The following ATP6AP1 variants were observed in gnomAD, a reference collection of about 807,000 sequenced individuals.
The protein encoded by ATP6AP1 is V-type proton ATPase subunit S1.
ATP6AP1 carries 1 observed loss-of-function variant against 32.0 expected under a neutral mutation model. The observed-to-expected ratio is 0.03, with a 90% CI of 0.01 to 0.15. ATP6AP1 has a LOEUF of 0.15. Ranked by LOEUF, ATP6AP1 falls within the 10% of genes least tolerant of loss-of-function variation. The pLI is 1.00. For missense variants in ATP6AP1, 297 were observed against 398.8 expected, an observed-to-expected ratio of 0.74 and a Z score of 2.17; for synonymous variants, 187 against 174.9, an observed-to-expected ratio of 1.07 and a Z score of -0.55.
rs2068716322 is a variant in ATP6AP1, at chrX:154,435,786, G to A, written c.1308G>A (p.Met436Ile). The change falls in exon 10 of 10, where the codon ATG becomes ATA. Residue 436 changes from methionine (M) to isoleucine (I), a missense_variant. This residue lies in a region of ATP6AP1 where 155 missense variants were observed against 253.8 expected (regional missense o/e 0.61). Coordinates refer to ENST00000369762, the MANE Select transcript of ATP6AP1 (RefSeq NM_001183.6). ...IWMGLLTSLF[M>I]LFIFTYGLHM... ...TGGGGCTGCTCACCTCCCTGTTCATGCTCTTCATCTTCACCTATGGCCTGC... is the reference window on the plus strand; with the variant it reads ...TGGGGCTGCTCACCTCCCTGTTCATACTCTTCATCTTCACCTATGGCCTGC... 8.3e-7 allele frequency: 1 copy of A among 1,210,103 alleles called. No homozygotes were observed. Among genetic ancestry groups the A allele is most frequent in the Admixed American group, 2.2e-5 (1 of 45,838 alleles).
chrX:154,432,643 T>A (rs1383455526), intron 4 of ATP6AP1, among the ~76,000 whole-genome samples, 184 bp downstream of exon 4: 6 of 112,400 alleles, frequency 5.3e-5, no homozygotes, highest in African/African-American at 1.9e-4. Context: ...ACTCAGGAGT[T>A]GGTGCCTAGC....
At chrX:154,434,571 T>C (rs2068709654) in intron 7 of ATP6AP1, 125 bp downstream of exon 7, 2 of 693,690 alleles carry the variant, frequency 2.9e-6, no homozygotes, top group Admixed American at 5.3e-5. Context: ...CATGGTCTGG[T>C]TGGGGTCTGG....
intron 3 of ATP6AP1, 85 bp downstream of exon 3, chrX:154,431,989 C>G (rs2068695922): frequency 5.8e-6 from 6 of 1,038,694 alleles, no homozygotes; most frequent in Non-Finnish European, 5.3e-6. Context: ...GACCTCATAT[C>G]AGGGTTACTT....
chrX:154,436,083 T>C lies in ATP6AP1; in HGVS notation c.*192T>C, dbSNP rs1169046598. 14 of 461,186 alleles carry C rather than the reference T, an allele frequency of 3.0e-5. No individual in the cohort carries two copies. The highest frequency in any genetic ancestry group is 3.3e-5 in the Non-Finnish European group (9 of 270,548). 38.0% of individuals were successfully genotyped at this position (461,186 alleles called of 1,213,427 possible). Reference sequence around the variant, plus strand: ...GCTGCCCCCATCTCTCCCAACAAGGTGTACATATTCTGCGTAGATGCTAGA... The same window carrying C: ...GCTGCCCCCATCTCTCCCAACAAGGCGTACATATTCTGCGTAGATGCTAGA... On this transcript the variant is annotated 3_prime_UTR_variant, in exon 10 of 10. Transcript: ENST00000369762.
At chrX:154,431,705 T>A in intron 2 of ATP6AP1, 125 bp from the exon 3 acceptor site, 455 of 505,469 alleles carry the variant, frequency 9.0e-4, no homozygotes, top group Middle Eastern at 1.2e-3. Context: ...TGCTCCACCA[T>A]ACTGAACCTG....
chrX:154,429,213 A>G (rs2068681436), intron 2 of ATP6AP1, 39 bp downstream of exon 2: 2 of 1,199,254 alleles, frequency 1.7e-6, no homozygotes, highest in East Asian at 6.0e-5. Flanking sequence ...GGTCATCGGG[A>G]GGCAGCCAGG....
At chrX:154,430,262 C>T (rs2068686588) in intron 2 of ATP6AP1, 1 of 110,810 alleles carries the variant, frequency 9.0e-6, no homozygotes, top group Admixed American at 9.6e-5. Context: ...GGGCGCCCGC[C>T]ACTACACCCA....
At chrX:154,433,040 C>T (rs2068702433) in intron 5 of ATP6AP1, 69 bp downstream of exon 5, 1 of 1,144,975 alleles carries the variant, frequency 8.7e-7, no homozygotes, top group Non-Finnish European at 1.2e-6. Context: ...GAGAGCTGGC[C>T]TGCAGTTCCT....
In ATP6AP1 at chrX:154,434,270, A is replaced by C; in HGVS notation, c.747A>C (p.Pro249=). 4 of 1,211,940 alleles carry C rather than the reference A, an allele frequency of 3.3e-6. No homozygotes were observed. The highest frequency in any genetic ancestry group is 4.5e-6 in the Non-Finnish European group (4 of 895,510). Reference sequence around the variant, plus strand: ...GTCGCCAGCTGCTACAAAAACAGCCAGTATCACCTGTGATCCATCCTCCTG... The same window carrying C: ...GTCGCCAGCTGCTACAAAAACAGCCCGTATCACCTGTGATCCATCCTCCTG... ...GLGRQLLQKQ[P]VSPVIHPPVS... Residue 249 remains proline, a synonymous_variant, in exon 7 of 10, where the codon CCA becomes CCC. Transcript: ENST00000369762.
chrX:154,435,192 T>C lies in ATP6AP1; in HGVS notation c.971+6T>C. On this transcript the variant is annotated splice_donor_region_variant and intron_variant, in intron 8 of 9. Coordinates refer to ENST00000369762, the MANE Select transcript of ATP6AP1 (RefSeq NM_001183.6). ...GGTACCACAGTGACATTCAAGTGAG[T>C]CCTGGGGGTGGTTGAGGTATGGGTG... The C allele has an allele frequency of 1.7e-6, 2 of 1,209,655 alleles. No homozygotes were observed. Among genetic ancestry groups the C allele is most frequent in the Non-Finnish European group, 2.2e-6 (2 of 894,248 alleles).
intron 3 of ATP6AP1, 138 bp from the exon 4 acceptor site, chrX:154,432,128 G>C: frequency 1.4e-6 from 1 of 691,395 alleles, no homozygotes; most frequent in Middle Eastern, 4.9e-4. Flanking sequence ...AATGTCAGGG[G>C]CTGGGGTGTG....
Position 154,435,511 on chromosome X carries a change from G to A in ATP6AP1, c.1203+6G>A, listed in dbSNP as rs2068714704. 8.3e-7 allele frequency: 1 copy of A among 1,207,205 alleles called. No homozygotes were observed. The highest frequency in any genetic ancestry group is 1.7e-5 in the African/African-American group (1 of 57,194). On this transcript the variant is annotated splice_donor_region_variant and intron_variant, in intron 9 of 9. Transcript: ENST00000369762. ...TGATGCTTCAGGACTTCCAGGTATGGAGCGGGCGTGGCCCAGCTTCAGGTG... is the reference window on the plus strand; with the variant it reads ...TGATGCTTCAGGACTTCCAGGTATGAAGCGGGCGTGGCCCAGCTTCAGGTG...
intron 9 of ATP6AP1, 34 bp from the exon 10 acceptor site, chrX:154,435,648 G>A (rs2068715409): frequency 2.5e-6 from 3 of 1,203,800 alleles, no homozygotes. Flanking sequence ...GCCTCCCAAC[G>A]GTCCTTTCTG....
At position 154,432,482 on chromosome X, in the gene ATP6AP1, A is replaced by G. The variant is rs781997075; in HGVS notation, c.557+23A>G. 15 of 1,152,230 alleles carry G rather than the reference A, an allele frequency of 1.3e-5. No homozygotes were observed. The South Asian group carries it at 2.8e-4, about 21-fold the overall frequency. 95.0% of individuals were successfully genotyped at this position (1,152,230 alleles called of 1,213,427 possible). ...CAGGTACTGCCCGCATGGCCCAGCCACCAGCCTCGGGGCCCAGAGAGCAGC... is the reference window on the plus strand; with the variant it reads ...CAGGTACTGCCCGCATGGCCCAGCCGCCAGCCTCGGGGCCCAGAGAGCAGC... On this transcript the variant is annotated intron_variant, in intron 4 of 9. Transcript: ENST00000369762.
chrX:154,433,522 T>G, intron 5 of ATP6AP1, 113 bp from the exon 6 acceptor site: 2 of 795,786 alleles, frequency 2.5e-6, no homozygotes, highest in East Asian at 6.5e-5. Context: ...CAGTGGAAAG[T>G]AAACACACCA....
In ATP6AP1 at chrX:154,428,861, G is replaced by A. The variant is rs2068678976; in HGVS notation, c.161+8G>A. 1.8e-6 allele frequency: 2 copies of A among 1,088,508 alleles called. No homozygotes were observed. The highest frequency in any genetic ancestry group is 2.4e-6 in the Non-Finnish European group (2 of 844,082). 89.7% of individuals were successfully genotyped at this position (1,088,508 alleles called of 1,213,427 possible). On this transcript the variant is annotated splice_region_variant and intron_variant, in intron 1 of 9. Coordinates refer to ENST00000369762, the MANE Select transcript of ATP6AP1 (RefSeq NM_001183.6). ...GCTGTGGTCGAGTGACCGGTGAGCGGGCCGGGGTGGGATGCGCTGTGGCGG... is the reference window on the plus strand; with the variant it reads ...GCTGTGGTCGAGTGACCGGTGAGCGAGCCGGGGTGGGATGCGCTGTGGCGG...
Position 154,432,962 on chromosome X carries a change from A to G in ATP6AP1, c.589A>G (p.Thr197Ala). The change falls in exon 5 of 10, where the codon ACA (threonine) becomes GCA (alanine). Residue 197 changes from threonine (T) to alanine (A), a missense_variant. Transcript: ENST00000369762. ...TCTGATGGCACCCAGGGAAGTCCTC[A>G]CAGGCAACGGTGAGTAGAATCAGGG... ...SGLMAPREVLTGNDEVIGQVL... is the reference protein window; with the variant it reads ...SGLMAPREVLAGNDEVIGQVL... 8.3e-7 allele frequency: 1 copy of G among 1,211,517 alleles called. No individual in the cohort carries two copies. The highest frequency in any genetic ancestry group is 3.0e-5 in the East Asian group (1 of 33,845).
intron 5 of ATP6AP1, among the ~76,000 whole-genome samples, chrX:154,433,186 G>C (rs1346530547): frequency 8.9e-6 from 1 of 112,097 alleles, no homozygotes; most frequent in Non-Finnish European, 1.9e-5. Flanking sequence ...CTTGGCAGAG[G>C]GGGGCGGCTC....
intron 2 of ATP6AP1, chrX:154,429,684 T>TA (rs1557196476): frequency 8.8e-6 from 1 of 113,017 alleles, no homozygotes; most frequent in African/African-American, 3.2e-5. Context: ...TTTGTCGAGA[T>TA]ACAATGTTTC....
Sources: gnomAD v4.1 joint callset for allele counts (sites outside exome capture counted in the v4.1 genomes callset) on GRCh38, gnomAD v4.1.1 for gene constraint, gnomAD v4.1.1 regional missense constraint, MANE v1.5 for transcripts, NCBI Gene and HGNC (gene_info 2026-07-23, HGNC 2026-07-21) for gene names.